Variants in ADGRB3 observed in about 807,000 individuals in gnomAD.
ADGRB3 encodes adhesion G protein-coupled receptor B3.
In ADGRB3, 37 loss-of-function variants were observed where a neutral mutation model predicts 193.4. The ratio of observed to expected loss-of-function variants is 0.19; its 90% CI spans 0.15 to 0.25. The LOEUF is 0.25. Among genes scored for constraint, ADGRB3 ranks in the 10% least tolerant of loss-of-function variants. The pLI is 1.00. For missense variants in ADGRB3, 1,637 were observed against 1,852.9 expected, an observed-to-expected ratio of 0.88 and a Z score of 2.14; for synonymous variants, 690 against 644.2, an observed-to-expected ratio of 1.07 and a Z score of -1.08.
intron 3 of ADGRB3, among the ~76,000 whole-genome samples, chr6:68,752,713 G>T (rs968278677): frequency 1.3e-5 from 2 of 152,168 alleles, no homozygotes; most frequent in African/African-American, 4.8e-5. Context: ...TGAGCTGTTG[G>T]GGTTAAGTTC....
intron 11 of ADGRB3, among the ~76,000 whole-genome samples, chr6:69,012,392 A>G (rs1365621700): frequency 6.6e-6 from 1 of 152,006 alleles, no homozygotes; most frequent in Non-Finnish European, 1.5e-5. Context: ...TAAAACCTGC[A>G]ACTTTTGCCT....
At chr6:69,220,987 C>T (rs576842045) in intron 17 of ADGRB3, among the ~76,000 whole-genome samples, 59 of 151,950 alleles carry the variant, frequency 3.9e-4, no homozygotes, top group South Asian at 8.3e-4. Flanking sequence ...TTGGGGTTGT[C>T]GGTGGACAAG....
intron 12 of ADGRB3, among the ~76,000 whole-genome samples, chr6:69,014,919 G>A (rs977504655): frequency 1.3e-5 from 2 of 151,792 alleles, no homozygotes; most frequent in Non-Finnish European, 2.9e-5. Context: ...CAGGAGTAAA[G>A]CATGCCTTTT....
At chr6:69,264,928 T>C (rs1014080680) in intron 20 of ADGRB3, among the ~76,000 whole-genome samples, 8 of 151,908 alleles carry the variant, frequency 5.3e-5, no homozygotes, top group Non-Finnish European at 1.0e-4. Flanking sequence ...CATTGGTTTA[T>C]TCCCAAGAAA....
At chr6:69,158,769 T>C (rs143313619) in intron 17 of ADGRB3, among the ~76,000 whole-genome samples, 1 of 152,176 alleles carries the variant, frequency 6.6e-6, no homozygotes, top group East Asian at 1.9e-4. Flanking sequence ...CAGCTGTTTC[T>C]CATCTACTTC....
intron 3 of ADGRB3, among the ~76,000 whole-genome samples, chr6:68,808,200 C>G (rs776803288): frequency 7.9e-5 from 12 of 152,076 alleles, no homozygotes; most frequent in Non-Finnish European, 1.3e-4. Context: ...TGTTCCTACA[C>G]AATAGATTCT....
At chr6:68,927,517 T>A (rs1472067778) in intron 3 of ADGRB3, among the ~76,000 whole-genome samples, 1 of 152,146 alleles carries the variant, frequency 6.6e-6, no homozygotes, top group African/African-American at 2.4e-5. Flanking sequence ...CAAATGTTTT[T>A]AAAATACCCC....
At chr6:68,935,012 G>T (rs923594117) in intron 4 of ADGRB3, among the ~76,000 whole-genome samples, 3 of 152,110 alleles carry the variant, frequency 2.0e-5, no homozygotes, top group Admixed American at 2.0e-4. Context: ...TATTGTCTGT[G>T]CCCTTACAAT....
rs1199146727 is a variant in ADGRB3, at chr6:68,750,436, G to GA, written c.757+111011dup. ...GTATTGCTGGGGGTTTAGACTCCAT[G>GA]AAAAAAATGAACCTATTAATTTGAA... On this transcript the variant is annotated intron_variant, in intron 3 of 31. Coordinates refer to ENST00000370598, the MANE Select transcript of ADGRB3 (RefSeq NM_001704.3). 8.5e-5 allele frequency among the ~76,000 whole-genome samples: 13 copies of GA among 152,188 alleles called. No individual in the cohort carries two copies. In the East Asian group the frequency reaches 1.7e-3, roughly 20 times the overall value.
At chr6:69,277,371 A>G (rs559651372) in intron 20 of ADGRB3, among the ~76,000 whole-genome samples, 23 of 152,274 alleles carry the variant, frequency 1.5e-4, no homozygotes, top group Admixed American at 1.0e-3. Flanking sequence ...TACACTAGTC[A>G]ACACCATTTC....
chr6:69,102,498 C>T (rs949144757), intron 17 of ADGRB3, among the ~76,000 whole-genome samples: 1 of 152,166 alleles, frequency 6.6e-6, no homozygotes. Flanking sequence ...TTTTAAGAAG[C>T]AGCTGTTTAA....
At chr6:69,345,410 A>T (rs1769063500) in intron 26 of ADGRB3, among the ~76,000 whole-genome samples, 1 of 152,198 alleles carries the variant, frequency 6.6e-6, no homozygotes, top group Non-Finnish European at 1.5e-5. Context: ...ACTTTGATCA[A>T]ATTGGCTTCA....
chr6:68,680,834 TACTC>T (rs1211827379), intron 3 of ADGRB3, among the ~76,000 whole-genome samples: 1 of 152,186 alleles, frequency 6.6e-6, no homozygotes, highest in Non-Finnish European at 1.5e-5. Context: ...ATTAAACAAA[TACTC>T]AAAAATCTGT....
chr6:69,105,643 T>C (rs1442831541), intron 17 of ADGRB3, among the ~76,000 whole-genome samples: 1 of 152,216 alleles, frequency 6.6e-6, no homozygotes, highest in Non-Finnish European at 1.5e-5. Flanking sequence ...TTCAGGCTTT[T>C]ATAAAAGAAA....
intron 29 of ADGRB3, among the ~76,000 whole-genome samples, chr6:69,366,628 A>G (rs1480995711): frequency 2.6e-5 from 4 of 152,042 alleles, no homozygotes; most frequent in Non-Finnish European, 5.9e-5. Context: ...TCTCCTTTCT[A>G]TTAGTGATAG....
intron 3 of ADGRB3, among the ~76,000 whole-genome samples, chr6:68,738,359 T>C (rs765076289): frequency 6.6e-6 from 1 of 151,502 alleles, no homozygotes; most frequent in Non-Finnish European, 1.5e-5. Flanking sequence ...TGGAGGATTT[T>C]CTGTCAAAGA....
At chr6:68,904,106 GAA>G (rs1349943954) in intron 3 of ADGRB3, among the ~76,000 whole-genome samples, 2,249 of 65,586 alleles carry the variant, frequency 0.034, 65 homozygotes, top group African/African-American at 0.085. Flanking sequence ...AGGAAGGAAG[GAA>G]GGAAGGGAGG....
At chr6:69,018,547 T>A in intron 13 of ADGRB3, 48 bp downstream of exon 13, 3 of 1,296,470 alleles carry the variant, frequency 2.3e-6, no homozygotes, top group Non-Finnish European at 3.3e-6. Flanking sequence ...TAAAAAAAAA[T>A]TGCAAGTATC....
chr6:69,306,989 T>C (rs1191848706), intron 20 of ADGRB3, among the ~76,000 whole-genome samples: 1 of 151,456 alleles, frequency 6.6e-6, no homozygotes, highest in African/African-American at 2.4e-5. Context: ...CAATGCCTGG[T>C]TTACATGCCT....
Sources: allele counts gnomAD v4.1 joint callset (sites outside exome capture counted in the v4.1 genomes callset), GRCh38; gene constraint gnomAD v4.1.1; transcripts MANE v1.5; gene names NCBI Gene and HGNC (gene_info 2026-07-23, HGNC 2026-07-21).